BORA: variants seen among roughly 807,000 people sequenced by gnomAD.
BORA encodes protein aurora borealis.
A neutral mutation model predicts 55.8 loss-of-function variants in BORA; 26 were observed. The ratio of observed to expected loss-of-function variants is 0.47; its 90% CI spans 0.34 to 0.65. BORA has a LOEUF of 0.65. Ranked by LOEUF, BORA falls within the 30% of genes least tolerant of loss-of-function variation. The pLI, the probability that BORA is intolerant of heterozygous loss-of-function variation, is 0.01. For synonymous variants in BORA, 201 were observed against 216.9 expected, an observed-to-expected ratio of 0.93 and a Z score of 0.64; for missense variants, 568 against 671.5, an observed-to-expected ratio of 0.85 and a Z score of 1.70.
chr13:72,730,090 C>T (rs765224888), intron 2 of BORA, among the ~76,000 whole-genome samples: 2 of 151,910 alleles, frequency 1.3e-5, no homozygotes, highest in Non-Finnish European at 2.9e-5. Context: ...CCACCATGCC[C>T]GGGCCACTTT....
rs201254426 is a variant in BORA, at chr13:72,755,211, C to A, written c.1675C>A (p.Pro559Thr). ...KTASPFQCSS[P>T] Reference sequence around the variant, plus strand: ...AGCAAGCCCTTTTCAATGCAGCAGTCCATAGAATGCCTCTGTCAGAATCAA... The same window carrying A: ...AGCAAGCCCTTTTCAATGCAGCAGTACATAGAATGCCTCTGTCAGAATCAA... The change falls in exon 12 of 12, where the codon CCA (proline) becomes ACA (threonine). Residue 559 changes from proline (P) to threonine (T), a missense_variant. Coordinates refer to ENST00000390667, the MANE Select transcript of BORA (RefSeq NM_024808.5). 1.8e-4 allele frequency: 284 copies of A among 1,610,484 alleles called. No homozygotes were observed. The highest frequency in any genetic ancestry group is 2.3e-4 in the Non-Finnish European group (267 of 1,177,134).
intron 5 of BORA, among the ~76,000 whole-genome samples, chr13:72,739,168 GT>G (rs1261547513): frequency 4.6e-5 from 7 of 152,112 alleles, no homozygotes; most frequent in African/African-American, 7.2e-5. Context: ...TGTGTCCAAG[GT>G]GGCATTCTCA....
chr13:72,739,711 T>C (rs2032998813), intron 5 of BORA, among the ~76,000 whole-genome samples: 1 of 152,144 alleles, frequency 6.6e-6, no homozygotes. Flanking sequence ...CACCTGGGTA[T>C]TTTAATTTAG....
intron 5 of BORA, among the ~76,000 whole-genome samples, chr13:72,738,567 G>A (rs532749907): frequency 1.1e-4 from 16 of 152,210 alleles, no homozygotes; most frequent in African/African-American, 3.6e-4. Flanking sequence ...CCAGGCAATG[G>A]TTGTCATATA....
Position 72,753,758 on chromosome 13 carries a change from C to T in BORA, c.1551C>T (p.Tyr517=), listed in dbSNP as rs754116720. 1 of 1,613,322 alleles carries T rather than the reference C, an allele frequency of 6.2e-7. No homozygotes were observed. The highest frequency in any genetic ancestry group is 8.5e-7 in the Non-Finnish European group (1 of 1,179,574). ...NIMDTVGAES[Y]CKESDAQTCE... ...TGGATACAGTTGGGGCAGAAAGTTA[C>T]TGCAAAGAAAGTGATGCACAAACAT... is the stretch of plus-strand genomic sequence containing the variant. The change falls in exon 11 of 12, where the codon TAC becomes TAT. Residue 517 remains tyrosine, a synonymous_variant. Coordinates refer to ENST00000390667, the MANE Select transcript of BORA (RefSeq NM_024808.5).
intron 4 of BORA, among the ~76,000 whole-genome samples, chr13:72,736,754 G>A (rs2032936125): frequency 6.6e-6 from 1 of 151,970 alleles, no homozygotes; most frequent in Non-Finnish European, 1.5e-5. Context: ...CCTCCTAAAA[G>A]GTTATACCAG....
chr13:72,744,594 C>G, intron 7 of BORA, 33 bp downstream of exon 7: 3 of 1,508,034 alleles, frequency 2.0e-6, no homozygotes, highest in Non-Finnish European at 2.7e-6. Flanking sequence ...CTTTTAATAA[C>G]TTGAACCAAA....
chr13:72,748,839 C>T (rs892113525), intron 10 of BORA, among the ~76,000 whole-genome samples: 1 of 152,042 alleles, frequency 6.6e-6, no homozygotes, highest in Non-Finnish European at 1.5e-5. Context: ...CTTTGGAAGC[C>T]GTGGGTAGCA....
intron 3 of BORA, among the ~76,000 whole-genome samples, chr13:72,732,618 A>C (rs2032842502): frequency 6.6e-6 from 1 of 152,186 alleles, no homozygotes; most frequent in Non-Finnish European, 1.5e-5. Flanking sequence ...CAAAGGTTGC[A>C]GTGAGCTGAG....
chr13:72,740,640 C>A (rs1400137585), intron 5 of BORA, among the ~76,000 whole-genome samples: 1 of 152,118 alleles, frequency 6.6e-6, no homozygotes, highest in Admixed American at 6.6e-5. Flanking sequence ...AATACTTAAG[C>A]CTTTACTGAC....
rs777765672 is a variant in BORA, at chr13:72,745,089, C to G, written c.620C>G (p.Ser207Cys). 7 of 1,614,128 alleles carry G rather than the reference C, an allele frequency of 4.3e-6. No homozygotes were observed. The Admixed American group carries it at 5.0e-5, about 12-fold the overall frequency. The change falls in exon 8 of 12, where the codon TCC becomes TGC. Residue 207 changes from serine (S) to cysteine (C), a missense_variant. Ser to Cys is a moderately radical substitution (Grantham distance 112, BLOSUM62 -1). Transcript: ENST00000390667. ...FLDGNGSISD[S>C]LPSASPGSPH... ...GATGGGAACGGAAGCATCTCCGACTCCTTACCTTCGGCTTCTCCCGGAAGT... is the reference window on the plus strand; with the variant it reads ...GATGGGAACGGAAGCATCTCCGACTGCTTACCTTCGGCTTCTCCCGGAAGT...
intron 5 of BORA, among the ~76,000 whole-genome samples, chr13:72,741,936 A>G (rs2033041065): frequency 6.6e-6 from 1 of 152,126 alleles, no homozygotes; most frequent in Non-Finnish European, 1.5e-5. Flanking sequence ...TTAGATGGCA[A>G]CCATGCTAGA....
At position 72,755,352 on chromosome 13, in the gene BORA, TCAAGGG is replaced by T. The variant is rs1039871559; in HGVS notation, c.*138_*143del. 5 of 662,656 alleles carry T rather than the reference TCAAGGG, an allele frequency of 7.5e-6. No individual in the cohort carries two copies. Among genetic ancestry groups the T allele is most frequent in the Admixed American group, 2.7e-5 (1 of 36,380 alleles). 41.0% of individuals were successfully genotyped at this position (662,656 alleles called of 1,614,324 possible). A position where few individuals can be genotyped will look rare whatever the true frequency, so the allele number is the denominator to read the frequency against. ...AGCTTTCCCTCCTTAATGTGAAAAA[TCAAGGG>T]CTTACTGACATAGGAACAACAGAAA... is the stretch of plus-strand genomic sequence containing the variant. On this transcript the variant is annotated 3_prime_UTR_variant, in exon 12 of 12. Transcript: ENST00000390667.
At chr13:72,731,501 G>C (rs1286534140) in intron 3 of BORA, 114 bp downstream of exon 3, 1 of 747,842 alleles carries the variant, frequency 1.3e-6, no homozygotes, top group African/African-American at 1.8e-5. Flanking sequence ...AAAAAATTTT[G>C]ATGCAGATTT....
intron 3 of BORA, among the ~76,000 whole-genome samples, chr13:72,732,461 G>A (rs2032838824): frequency 6.6e-6 from 1 of 152,068 alleles, no homozygotes; most frequent in South Asian, 2.1e-4. Flanking sequence ...GATCACTTGA[G>A]GTCATGAGTT....
At chr13:72,743,418 AT>A (rs899311755) in intron 5 of BORA, 118 bp from the exon 6 acceptor site, 14 of 577,496 alleles carry the variant, frequency 2.4e-5, no homozygotes, top group South Asian at 3.9e-5. Context: ...ATATATGCAG[AT>A]TTTTTTTAAT....
chr13:72,742,773 C>T (rs1301110688), intron 5 of BORA, among the ~76,000 whole-genome samples: 131 of 2,084 alleles, frequency 0.063, no homozygotes, highest in Admixed American at 0.11. Flanking sequence ...TATATACACA[C>T]ACACACACAC....
chr13:72,753,606 AT>A, intron 10 of BORA, 83 bp from the exon 11 acceptor site: 2 of 1,367,674 alleles, frequency 1.5e-6, no homozygotes, highest in African/African-American at 2.9e-5. Context: ...GATGTAGTGA[AT>A]GAGAGTTTAT....
At position 72,737,979 on chromosome 13, in the gene BORA, C is replaced by A; in HGVS notation, c.324C>A (p.Val108=). 2 of 1,592,998 alleles carry A rather than the reference C, an allele frequency of 1.3e-6. No homozygotes were observed. Among genetic ancestry groups the A allele is most frequent in the South Asian group, 2.3e-5 (2 of 87,934 alleles). The part of the protein sequence containing the change: ...KAIEEFFTKD[V]IVPSPWTDHE... ...TTTCCTAGTTTTTCACTAAAGATGT[C>A]ATCGTACCCTCTCCTTGGACTGATC... The change falls in exon 5 of 12, where the codon GTC becomes GTA. Residue 108 remains valine (V), a synonymous_variant. Coordinates refer to ENST00000390667, the MANE Select transcript of BORA (RefSeq NM_024808.5).
Sources: gnomAD v4.1 joint callset for allele counts (sites outside exome capture counted in the v4.1 genomes callset) on GRCh38, gnomAD v4.1.1 for gene constraint, MANE v1.5 for transcripts, NCBI Gene and HGNC (gene_info 2026-07-23, HGNC 2026-07-21) for gene names.